The following GSAP variants were observed in gnomAD, a reference collection of about 807,000 sequenced individuals.
The protein encoded by GSAP is gamma-secretase-activating protein.
GSAP carries 118 observed loss-of-function variants against 131.7 expected under a neutral mutation model. That is an observed-to-expected ratio of 0.90 (90% CI 0.77 to 1.04). The LOEUF is 1.04. GSAP is among the 50% of genes least tolerant of loss of function. The pLI is 0.00. For missense variants in GSAP, 1,019 were observed against 1,013.2 expected, an observed-to-expected ratio of 1.01 and a Z score of -0.08; for synonymous variants, 381 against 363.4, an observed-to-expected ratio of 1.05 and a Z score of -0.55.
At chr7:77,364,774 T>C (rs763663823) in intron 12 of GSAP, among the ~76,000 whole-genome samples, 2 of 152,230 alleles carry the variant, frequency 1.3e-5, no homozygotes, top group Admixed American at 6.5e-5. Context: ...TAGGTCATGC[T>C]TAGTTGCCCC....
rs183270719 is a variant in GSAP, at chr7:77,405,634, T to A, written c.186+395A>T. Among the ~76,000 whole-genome samples, 317 of 152,212 alleles carry A rather than the reference T, an allele frequency of 2.1e-3. 2 individuals carry two copies. Among genetic ancestry groups the A allele is most frequent in the African/African-American group, 7.3e-3 (303 of 41,528 alleles). ...CTCACTGCAACCTCCTCCTCCTGGG[T>A]TCAAGCGATTCTCCTGCCTCAGCCT... On this transcript the variant is annotated intron_variant, in intron 2 of 30. Coordinates refer to ENST00000257626, the MANE Select transcript of GSAP (RefSeq NM_017439.4).
At chr7:77,406,661 G>C (rs6977207) in intron 1 of GSAP, among the ~76,000 whole-genome samples, 18,554 of 152,246 alleles carry the variant, frequency 0.12, 1,619 homozygotes, top group East Asian at 0.41. Context: ...CTAAACAAGA[G>C]AAAGTGCTAA....
In GSAP at chr7:77,355,486, A is replaced by C. The variant is rs540240559; in HGVS notation, c.1121-56T>G. ...CAAATAGAAGAAACTCCTTTCACCC[A>C]AACATAGATATTAAAGTCAAAACAA... On this transcript the variant is annotated intron_variant, in intron 15 of 30. Coordinates refer to ENST00000257626, the MANE Select transcript of GSAP (RefSeq NM_017439.4). 95 of 1,513,372 alleles carry C rather than the reference A, an allele frequency of 6.3e-5. 3 individuals are homozygous for C. The South Asian group carries it at 1.0e-3, about 16-fold the overall frequency. The allele number at this position is 1,513,372 out of a possible 1,614,324, so 93.7% of individuals were successfully genotyped here.
chr7:77,394,266 C>T (rs193007632), intron 5 of GSAP, among the ~76,000 whole-genome samples: 2 of 152,234 alleles, frequency 1.3e-5, no homozygotes, highest in Non-Finnish European at 1.5e-5. Context: ...TTCCTTTGCC[C>T]TCAGTTCCTA....
At chr7:77,414,844 C>CCTTTTTT (rs1803991224) in intron 1 of GSAP, among the ~76,000 whole-genome samples, 19 of 59,878 alleles carry the variant, frequency 3.2e-4, no homozygotes, top group African/African-American at 1.4e-3. Context: ...ATGTGGGCGA[C>CCTTTTTT]TTTTTTTTTT....
chr7:77,371,223 T>C (rs2062265890), intron 12 of GSAP, among the ~76,000 whole-genome samples: 2 of 152,142 alleles, frequency 1.3e-5, no homozygotes, highest in African/African-American at 4.8e-5. Flanking sequence ...GTTCACTCAT[T>C]TGCTGATGCC....
chr7:77,389,248 GTATA>G (rs906383817), intron 5 of GSAP, among the ~76,000 whole-genome samples: 2 of 150,682 alleles, frequency 1.3e-5, no homozygotes, highest in African/African-American at 4.9e-5. Flanking sequence ...ATGTGTGTGT[GTATA>G]TATATATATT....
At chr7:77,352,100 A>C (rs531097043) in intron 18 of GSAP, among the ~76,000 whole-genome samples, 4 of 152,330 alleles carry the variant, frequency 2.6e-5, no homozygotes. Flanking sequence ...GCATACCAAA[A>C]ATTTAGAAAT....
chr7:77,396,242 A>G (rs565916390), intron 5 of GSAP, among the ~76,000 whole-genome samples: 2 of 150,958 alleles, frequency 1.3e-5, no homozygotes, highest in South Asian at 2.1e-4. Context: ...CTTGGTTTCT[A>G]TGTTAAAAAT....
intron 5 of GSAP, among the ~76,000 whole-genome samples, chr7:77,389,626 T>G (rs1799146054): frequency 2.0e-5 from 3 of 152,212 alleles, no homozygotes; most frequent in African/African-American, 4.8e-5. Context: ...TCATTTTTTA[T>G]GGCTGCATAG....
rs79990293 is a variant in GSAP at position 77,356,563 on chromosome 7, A to T, written c.1028-916T>A. Reference sequence around the variant, plus strand: ...CACATTGACACTTTGTGAAGTACTAATTTATTTCCTTGCATATCAAGCTGA... The same window carrying T: ...CACATTGACACTTTGTGAAGTACTATTTTATTTCCTTGCATATCAAGCTGA... On this transcript the variant is annotated intron_variant, in intron 14 of 30. Coordinates refer to ENST00000257626, the MANE Select transcript of GSAP (RefSeq NM_017439.4). Among the ~76,000 whole-genome samples the T allele has an allele frequency of 1.8e-3, 276 of 152,290 alleles. 2 individuals carry two copies. The highest frequency in any genetic ancestry group is 0.016 in the East Asian group (84 of 5,186).
intron 24 of GSAP, 26 bp downstream of exon 24, chr7:77,323,621 T>A (rs766818441): frequency 1.7e-6 from 2 of 1,174,948 alleles, no homozygotes; most frequent in Admixed American, 3.6e-5. Flanking sequence ...AAGGGGCATA[T>A]GAGGAGAATA....
chr7:77,387,413 G>A lies in GSAP; in HGVS notation c.403C>T (p.Pro135Ser), dbSNP rs557565115. The A allele has an allele frequency of 8.7e-6, 14 of 1,605,668 alleles. No homozygotes were observed. Among genetic ancestry groups the A allele is most frequent in the Non-Finnish European group, 1.1e-5 (13 of 1,172,584 alleles). The change falls in exon 6 of 31, where the codon CCT becomes TCT. Residue 135 changes from proline to serine, a missense_variant. Transcript: ENST00000257626. ...TTTAGAACCTTCACATTGTTAACAG[G>A]GTGGATTTCAACCAACAAAGTCAAG... Reference protein sequence around the residue: ...KCLTLLVEIHPVNNVKVLKAV... With the variant: ...KCLTLLVEIHSVNNVKVLKAV...
At position 77,328,645 on chromosome 7, in the gene GSAP, G is replaced by T. The variant is rs1562911086; in HGVS notation, c.1734-8C>A. On this transcript the variant is annotated splice_region_variant and splice_polypyrimidine_tract_variant and intron_variant, in intron 21 of 30. Coordinates refer to ENST00000257626, the MANE Select transcript of GSAP (RefSeq NM_017439.4). ...TCTAGGTTAGAAATCACCCTACGAA[G>T]AAATTAGCCATGTTATTCACAGACA... The T allele has an allele frequency of 1.4e-5, 21 of 1,529,068 alleles. No individual in the cohort carries two copies. The highest frequency in any genetic ancestry group is 1.7e-5 in the Non-Finnish European group (19 of 1,104,834). The allele number at this position is 1,529,068 out of a possible 1,614,324, so 94.7% of individuals were successfully genotyped here.
At chr7:77,327,988 C>A (rs1172257589) in intron 22 of GSAP, among the ~76,000 whole-genome samples, 2 of 152,194 alleles carry the variant, frequency 1.3e-5, no homozygotes, top group African/African-American at 2.4e-5. Context: ...ATGTTAGGTG[C>A]TATCTGCATT....
At chr7:77,355,785 CCG>C in intron 14 of GSAP, 138 bp from the exon 15 acceptor site, 3 of 351,694 alleles carry the variant, frequency 8.5e-6, no homozygotes, top group Non-Finnish European at 1.4e-5. Context: ...TAATGACAGC[CCG>C]TTTTTTTTTT....
chr7:77,381,268 A>T (rs756735816), intron 8 of GSAP, 37 bp downstream of exon 8: 1 of 1,279,598 alleles, frequency 7.8e-7, no homozygotes, highest in South Asian at 1.4e-5. Flanking sequence ...GTGGGGAAAA[A>T]AAAACCTATG....
At chr7:77,384,675 C>A (rs902327461) in intron 6 of GSAP, among the ~76,000 whole-genome samples, 2 of 152,000 alleles carry the variant, frequency 1.3e-5, no homozygotes, top group Non-Finnish European at 2.9e-5. Flanking sequence ...GGGATCCAAG[C>A]CCCACCTGCC....
intron 1 of GSAP, among the ~76,000 whole-genome samples, chr7:77,410,052 T>C (rs1167112105): frequency 1.3e-5 from 2 of 152,210 alleles, no homozygotes; most frequent in Non-Finnish European, 2.9e-5. Flanking sequence ...GTGATTCTAA[T>C]GTACAGCCAG....
Sources: allele counts gnomAD v4.1 joint callset (sites outside exome capture counted in the v4.1 genomes callset), GRCh38; gene constraint gnomAD v4.1.1; transcripts MANE v1.5; gene names NCBI Gene and HGNC (gene_info 2026-07-23, HGNC 2026-07-21).